Variants in RANBP2 observed in about 807,000 individuals in gnomAD.
RANBP2 encodes E3 SUMO-protein ligase RanBP2.
Under a neutral mutation model 303.6 loss-of-function variants are expected in RANBP2, and 57 were observed. That is an observed-to-expected ratio of 0.19 (90% CI 0.15 to 0.23). RANBP2 has a LOEUF of 0.23. Among genes scored for constraint, RANBP2 ranks in the 10% least tolerant of loss-of-function variants. The probability of loss-of-function intolerance (pLI) is 1.00; values close to 1 mark genes in which losing one functional copy is unlikely to be tolerated. For synonymous variants in RANBP2, 1,167 were observed against 1,301.5 expected (o/e 0.90, Z 2.23); for missense variants, 3,138 against 3,780.8 (o/e 0.83, Z 4.46).
chr2:109,329,390 T>C, the RANBP2 span, among the ~76,000 whole-genome samples: 1 of 152,206 alleles, frequency 6.6e-6, no homozygotes, highest in African/African-American at 2.4e-5. Context: ...AAGAATCAAG[T>C]GGACCTGCAG....
the RANBP2 span, among the ~76,000 whole-genome samples, chr2:109,492,572 G>A: frequency 5.3e-5 from 8 of 152,302 alleles, no homozygotes; most frequent in Admixed American, 5.2e-4. Context: ...CTACATGTGT[G>A]TAGTCTCAGT....
At chr2:109,778,619 C>T in the RANBP2 span, among the ~76,000 whole-genome samples, 1 of 146,384 alleles carries the variant, frequency 6.8e-6, no homozygotes, top group Non-Finnish European at 1.5e-5. Context: ...CACTGTCATT[C>T]CAGCAAAAAG....
chr2:109,214,172 G>A, the RANBP2 span, among the ~76,000 whole-genome samples: 2 of 152,198 alleles, frequency 1.3e-5, no homozygotes, highest in Non-Finnish European at 2.9e-5. Context: ...GCTGTTGGAG[G>A]TGAGGCTAAG....
the RANBP2 span, among the ~76,000 whole-genome samples, chr2:109,020,138 G>A: frequency 6.6e-6 from 1 of 152,170 alleles, no homozygotes; most frequent in Non-Finnish European, 1.5e-5. Flanking sequence ...TGGAATGAGT[G>A]TTCTAATGGG....
At chr2:108,948,191 T>C in the RANBP2 span, among the ~76,000 whole-genome samples, 2 of 152,262 alleles carry the variant, frequency 1.3e-5, no homozygotes. Flanking sequence ...GAGTGACCTT[T>C]GCTTCAGTTC....
chr2:109,303,664 C>T, the RANBP2 span, among the ~76,000 whole-genome samples: 1 of 152,188 alleles, frequency 6.6e-6, no homozygotes, highest in Non-Finnish European at 1.5e-5. Flanking sequence ...AGGAGACTGC[C>T]CACATTCGGG....
chr2:108,837,317 G>T, the RANBP2 span, among the ~76,000 whole-genome samples: 19 of 152,000 alleles, frequency 1.3e-4, no homozygotes, highest in African/African-American at 4.1e-4. Context: ...CCTTCATTTT[G>T]TTAAAATGGT....
chr2:108,950,864 G>A, the RANBP2 span, among the ~76,000 whole-genome samples: 1 of 152,228 alleles, frequency 6.6e-6, no homozygotes, highest in Non-Finnish European at 1.5e-5. Context: ...TGGAGCAAGG[G>A]ACCCAGGCCT....
the RANBP2 span, among the ~76,000 whole-genome samples, chr2:108,981,504 C>T: frequency 2.4e-4 from 36 of 152,322 alleles, no homozygotes; most frequent in South Asian, 1.5e-3. Flanking sequence ...CTCTAGCTCC[C>T]AGCATCCTGC....
At chr2:109,359,156 A>G in the RANBP2 span, among the ~76,000 whole-genome samples, 4 of 152,172 alleles carry the variant, frequency 2.6e-5, no homozygotes, top group Non-Finnish European at 5.9e-5. Flanking sequence ...TGCATTGCCA[A>G]TGACAGACTG....
At chr2:109,648,132 G>A in the RANBP2 span, among the ~76,000 whole-genome samples, 1,239 of 152,328 alleles carry the variant, frequency 8.1e-3, 12 homozygotes, top group African/African-American at 0.029. Context: ...GCACAGCCCC[G>A]CAGAAGGGAT....
At chr2:109,171,398 C>T in the RANBP2 span, among the ~76,000 whole-genome samples, 7 of 152,152 alleles carry the variant, frequency 4.6e-5, no homozygotes, top group Non-Finnish European at 8.8e-5. Context: ...TATGAATATT[C>T]GGAGAAAATT....
At chr2:109,627,896 T>C in the RANBP2 span, among the ~76,000 whole-genome samples, 1 of 152,372 alleles carries the variant, frequency 6.6e-6, no homozygotes, top group Non-Finnish European at 1.5e-5. Context: ...CAACAGTTGA[T>C]AATCAGTTGA....
chr2:109,163,257 G>A, the RANBP2 span, among the ~76,000 whole-genome samples: 3 of 152,120 alleles, frequency 2.0e-5, no homozygotes, highest in African/African-American at 7.2e-5. Context: ...TTGACTGTAG[G>A]GCTCTGCCAT....
chr2:109,384,506 T>G, the RANBP2 span, among the ~76,000 whole-genome samples: 1 of 151,148 alleles, frequency 6.6e-6, no homozygotes, highest in African/African-American at 2.4e-5. Flanking sequence ...GGAGAGGGGT[T>G]GGGGTCAGAG....
the RANBP2 span, among the ~76,000 whole-genome samples, chr2:109,165,119 C>G: frequency 1.3e-5 from 2 of 152,182 alleles, no homozygotes; most frequent in Non-Finnish European, 2.9e-5. Flanking sequence ...CTGGCTTCCC[C>G]CCTCCTTTAG....
At chr2:109,193,397 G>A in the RANBP2 span, among the ~76,000 whole-genome samples, 1 of 152,156 alleles carries the variant, frequency 6.6e-6, no homozygotes, top group Non-Finnish European at 1.5e-5. Context: ...GTCAATCATA[G>A]ACCATTTTTA....
At chr2:109,299,618 A>G in the RANBP2 span, among the ~76,000 whole-genome samples, 1 of 152,144 alleles carries the variant, frequency 6.6e-6, no homozygotes, top group Non-Finnish European at 1.5e-5. Flanking sequence ...GCATGAGCTC[A>G]CAGGAAACCT....
the RANBP2 span, among the ~76,000 whole-genome samples, chr2:109,051,678 T>G: frequency 1.3e-5 from 2 of 152,150 alleles, no homozygotes; most frequent in Non-Finnish European, 2.9e-5. Flanking sequence ...AAAGGGCATT[T>G]GGCTGGCTAA....
Sources: allele counts gnomAD v4.1 joint callset (sites outside exome capture counted in the v4.1 genomes callset), GRCh38; gene constraint gnomAD v4.1.1; transcripts MANE v1.5; gene names NCBI Gene and HGNC (gene_info 2026-07-23, HGNC 2026-07-21).